Variants in TRHDE observed in about 807,000 individuals in gnomAD.
TRHDE encodes the protein thyrotropin-releasing hormone-degrading ectoenzyme.
A neutral mutation model predicts 125.7 loss-of-function variants in TRHDE; 72 were observed. The observed-to-expected ratio is 0.57, with a 90% confidence interval of 0.47 to 0.70. The LOEUF is 0.70. TRHDE is among the 30% of genes least tolerant of loss of function. TRHDE has a pLI of 0.00. For synonymous variants in TRHDE, 509 were observed against 509.1 expected (o/e 1.00, Z 0.00); for missense variants, 1,110 against 1,327.1 (o/e 0.84, Z 2.54).
chr12:72,147,622 C>T (rs552577958), intron 2 of TRHDE: 3 of 152,186 alleles, frequency 2.0e-5, no homozygotes, highest in Non-Finnish European at 1.5e-5. Context: ...ACCTCAGTCT[C>T]AAACTCGAAA....
chr12:72,409,412 A>T (rs1003072223), intron 3 of TRHDE, among the ~76,000 whole-genome samples: 1 of 152,198 alleles, frequency 6.6e-6, no homozygotes, highest in Non-Finnish European at 1.5e-5. Context: ...TATTAATATC[A>T]GTTTTTCTGG....
At chr12:72,364,603 C>T (rs1050669661) in intron 2 of TRHDE, among the ~76,000 whole-genome samples, 6 of 152,036 alleles carry the variant, frequency 3.9e-5, no homozygotes, top group Middle Eastern at 3.4e-3. Flanking sequence ...CAAATGAGTC[C>T]TGAGGTTCTT....
chr12:72,155,906 C>T (rs1876495171), intron 2 of TRHDE, among the ~76,000 whole-genome samples: 1 of 152,198 alleles, frequency 6.6e-6, no homozygotes, highest in East Asian at 1.9e-4. Flanking sequence ...GGGAGAACCA[C>T]TACTCTCTTA....
At chr12:72,518,637 C>G (rs1456504753) in intron 6 of TRHDE, among the ~76,000 whole-genome samples, 1 of 151,934 alleles carries the variant, frequency 6.6e-6, no homozygotes. Flanking sequence ...AGCATTTAGT[C>G]CATTTACATT....
intron 12 of TRHDE, among the ~76,000 whole-genome samples, chr12:72,575,763 A>T (rs2272503): frequency 0.27 from 40,462 of 151,986 alleles, 8,130 homozygotes; most frequent in African/African-American, 0.54. Flanking sequence ...GATGAATTTC[A>T]CCACAAGGTC....
At chr12:72,240,273 G>A (rs1346381024) in intron 2 of TRHDE, among the ~76,000 whole-genome samples, 6 of 148,888 alleles carry the variant, frequency 4.0e-5, no homozygotes, top group African/African-American at 7.4e-5. Flanking sequence ...AATAAAAACT[G>A]CTAACATTTC....
intron 2 of TRHDE, among the ~76,000 whole-genome samples, chr12:72,158,819 G>T (rs1162289638): frequency 6.6e-6 from 1 of 152,220 alleles, no homozygotes; most frequent in East Asian, 1.9e-4. Flanking sequence ...ATGAACATCT[G>T]ATTTTCTGAG....
In TRHDE at chr12:72,562,261, C is replaced by T. The variant is rs749444539; in HGVS notation, c.1854+31C>T. The stretch of plus-strand genomic sequence containing the variant: ...GTATAGGAAGCTTAAATATCAAAAC[C>T]TCTACTTGAATATTTGAATTGCATT... On this transcript the variant is annotated intron_variant, in intron 8 of 18. Coordinates refer to ENST00000261180, the MANE Select transcript of TRHDE (RefSeq NM_013381.3). 7.5e-6 allele frequency: 9 copies of T among 1,199,156 alleles called. No individual in the cohort carries two copies. In the African/African-American group the frequency reaches 1.2e-4, roughly 16 times the overall value. The allele number at this position is 1,199,156 out of a possible 1,614,324, so 74.3% of individuals were successfully genotyped here. A position where few individuals can be genotyped will look rare whatever the true frequency, so the allele number is the denominator to read the frequency against.
intron 2 of TRHDE, among the ~76,000 whole-genome samples, chr12:72,251,071 C>G (rs1277183114): frequency 1.3e-5 from 2 of 151,648 alleles, no homozygotes; most frequent in East Asian, 3.9e-4. Flanking sequence ...TCTTACATAA[C>G]TATAGTATAA....
intron 2 of TRHDE, among the ~76,000 whole-genome samples, chr12:72,181,041 A>T (rs1167461131): frequency 3.3e-5 from 5 of 152,166 alleles, no homozygotes; most frequent in African/African-American, 1.2e-4. Context: ...AAGGTACCTG[A>T]TTCTTGGTAA....
intron 6 of TRHDE, among the ~76,000 whole-genome samples, chr12:72,512,779 T>C (rs1431457506): frequency 6.6e-6 from 1 of 150,776 alleles, no homozygotes; most frequent in African/African-American, 2.4e-5. Context: ...TAATCAAGGG[T>C]TGACATTTTG....
chr12:72,295,220 C>T (rs553459463), intron 2 of TRHDE, among the ~76,000 whole-genome samples: 7 of 151,856 alleles, frequency 4.6e-5, no homozygotes, highest in South Asian at 2.1e-4. Context: ...GGGTCTTCAG[C>T]GTGGTTTGGG....
chr12:72,315,388 T>C (rs1027513938), intron 2 of TRHDE, among the ~76,000 whole-genome samples: 8 of 152,220 alleles, frequency 5.3e-5, no homozygotes, highest in Non-Finnish European at 8.8e-5. Flanking sequence ...GTAGTTTAGA[T>C]TTTGTAAGTC....
intron 2 of TRHDE, among the ~76,000 whole-genome samples, chr12:72,288,985 T>C (rs1428633024): frequency 6.6e-6 from 1 of 152,178 alleles, no homozygotes; most frequent in Admixed American, 6.5e-5. Flanking sequence ...AGCTCTTATT[T>C]ATCAACTGTG....
At chr12:72,603,897 G>C (rs2136062202) in intron 12 of TRHDE, among the ~76,000 whole-genome samples, 1 of 152,274 alleles carries the variant, frequency 6.6e-6, no homozygotes, top group South Asian at 2.1e-4. Context: ...AGGCAAGTTA[G>C]CTGGAAAGTA....
intron 2 of TRHDE, among the ~76,000 whole-genome samples, chr12:72,127,680 G>A (rs977225886): frequency 6.6e-6 from 1 of 152,132 alleles, no homozygotes; most frequent in Non-Finnish European, 1.5e-5. Flanking sequence ...GAGGAGTAAG[G>A]GAGAGAAGGG....
chr12:72,482,960 C>T (rs557312547), intron 5 of TRHDE, among the ~76,000 whole-genome samples: 184 of 60,462 alleles, frequency 3.0e-3, no homozygotes, highest in African/African-American at 4.2e-3. Context: ...ATATAACTTA[C>T]AGGCCTAAAA....
At chr12:72,158,960 C>G (rs945891133) in intron 2 of TRHDE, among the ~76,000 whole-genome samples, 1 of 152,166 alleles carries the variant, frequency 6.6e-6, no homozygotes, top group Non-Finnish European at 1.5e-5. Flanking sequence ...GTGCTGAATA[C>G]CCCTCTTCTG....
intron 6 of TRHDE, among the ~76,000 whole-genome samples, chr12:72,500,419 G>A (rs1878098534): frequency 6.6e-6 from 1 of 152,030 alleles, no homozygotes; most frequent in African/African-American, 2.4e-5. Flanking sequence ...TTGAGATGGA[G>A]TCTCACTCTG....
Sources: gnomAD v4.1 joint callset for allele counts (sites outside exome capture counted in the v4.1 genomes callset) on GRCh38, gnomAD v4.1.1 for gene constraint, MANE v1.5 for transcripts, NCBI Gene and HGNC (gene_info 2026-07-23, HGNC 2026-07-21) for gene names.